Variants in RMDN2 observed in about 807,000 individuals in gnomAD.
RMDN2 encodes the protein regulator of microtubule dynamics protein 2.
In RMDN2, 61 loss-of-function variants were observed where a neutral mutation model predicts 52.8. That is an observed-to-expected ratio of 1.16 (90% CI 0.94 to 1.43). The LOEUF is 1.43. Ranked by LOEUF, RMDN2 falls within the 40% of genes most tolerant of loss-of-function variation. The probability of loss-of-function intolerance (pLI) is 0.00; values close to 1 mark genes in which losing one functional copy is unlikely to be tolerated. For synonymous variants in RMDN2, 180 were observed against 153.1 expected (o/e 1.18, Z -1.30); for missense variants, 592 against 475.3 (o/e 1.25, Z -2.28).
chr2:38,037,701 G>A (rs1680676150), intron 10 of RMDN2, among the ~76,000 whole-genome samples: 1 of 152,314 alleles, frequency 6.6e-6, no homozygotes, highest in African/African-American at 2.4e-5. Context: ...AGTGTGTTCG[G>A]CTTCCCGTTG....
chr2:37,975,648 T>A (rs7573968), intron 4 of RMDN2, among the ~76,000 whole-genome samples: 2,247 of 152,178 alleles, frequency 0.015, 51 homozygotes, highest in African/African-American at 0.051. Context: ...GTGGCACGTG[T>A]ATACCTATGA....
At chr2:38,056,441 C>T (rs938111574) in intron 10 of RMDN2, among the ~76,000 whole-genome samples, 2 of 152,208 alleles carry the variant, frequency 1.3e-5, no homozygotes, top group East Asian at 1.9e-4. Flanking sequence ...GAAATGAACA[C>T]CTCTGCATCA....
chr2:38,016,899 C>A (rs1350245780), intron 10 of RMDN2, among the ~76,000 whole-genome samples: 2 of 151,762 alleles, frequency 1.3e-5, no homozygotes, highest in Non-Finnish European at 2.9e-5. Context: ...AAACCCTTTA[C>A]TCATAGAGCG....
intron 10 of RMDN2, among the ~76,000 whole-genome samples, chr2:38,011,227 GT>G (rs1034450049): frequency 6.6e-6 from 1 of 152,174 alleles, no homozygotes; most frequent in African/African-American, 2.4e-5. Flanking sequence ...CATGTTCTTG[GT>G]TTTTGGACAC....
At chr2:37,950,246 A>G (rs1215320399) in intron 2 of RMDN2, 2 of 440,570 alleles carry the variant, frequency 4.5e-6, no homozygotes, top group Admixed American at 3.4e-5. Context: ...AAAGGATTGT[A>G]CAGCTGTCAT....
chr2:38,065,379 A>G (rs1222527983), intron 10 of RMDN2, among the ~76,000 whole-genome samples: 3 of 152,112 alleles, frequency 2.0e-5, no homozygotes, highest in Non-Finnish European at 4.4e-5. Flanking sequence ...TAAATTTTAA[A>G]AAAAAAAAGA....
rs763768913 is a variant in RMDN2 at position 37,975,229 on chromosome 2, G to A, written c.645G>A (p.Glu215=). The change falls in exon 4 of 11, where the codon GAG becomes GAA. Residue 215 remains glutamate, a synonymous_variant. Coordinates refer to ENST00000354545, the MANE Select transcript of RMDN2 (RefSeq NM_001170791.3). ...CTTTTCAGTTTAGAGATGAAATAGA[G>A]TTTATGTGGCGATTTGCTCGTGCTT... is the stretch of plus-strand genomic sequence containing the variant. The part of the protein sequence containing the change: ...DHKEKFRDEI[E]FMWRFARAYG... 1 of 1,604,502 alleles carries A rather than the reference G, an allele frequency of 6.2e-7. No homozygotes were observed. The highest frequency in any genetic ancestry group is 8.5e-7 in the Non-Finnish European group (1 of 1,171,518).
intron 8 of RMDN2, among the ~76,000 whole-genome samples, chr2:37,999,487 CT>C (rs1676026878): frequency 6.6e-6 from 1 of 152,152 alleles, no homozygotes; most frequent in Non-Finnish European, 1.5e-5. Context: ...ATTACTTAGA[CT>C]TTAGTCTCAA....
At position 37,975,263 on chromosome 2, in the gene RMDN2, A is replaced by T; in HGVS notation, c.679A>T (p.Met227Leu). 1 of 1,611,128 alleles carries T rather than the reference A, an allele frequency of 6.2e-7. No homozygotes were observed. The highest frequency in any genetic ancestry group is 8.5e-7 in the Non-Finnish European group (1 of 1,177,404). The change falls in exon 4 of 11, where the codon ATG (methionine) becomes TTG (leucine). Residue 227 changes from methionine (M) to leucine (L), a missense_variant. By Grantham distance (15) the Met-to-Leu change is conservative. Transcript: ENST00000354545. ...GCGATTTGCTCGTGCTTATGGAGACATGTATGAACTATCTACAAACACACA... is the reference window on the plus strand; with the variant it reads ...GCGATTTGCTCGTGCTTATGGAGACTTGTATGAACTATCTACAAACACACA... ...MWRFARAYGD[M>L]YELSTNTQEK...
intron 4 of RMDN2, among the ~76,000 whole-genome samples, chr2:37,977,604 ACCGG>A (rs1457106346): frequency 1.0e-4 from 15 of 148,952 alleles, no homozygotes; most frequent in African/African-American, 3.8e-4. Flanking sequence ...CACTTCTCAG[ACCGG>A]GCGGCCGCTC....
At chr2:37,957,567 G>A (rs915279016) in intron 2 of RMDN2, among the ~76,000 whole-genome samples, 2 of 152,010 alleles carry the variant, frequency 1.3e-5, no homozygotes, top group Non-Finnish European at 2.9e-5. Flanking sequence ...TGGATAGATT[G>A]CAGAAATTTT....
chr2:37,944,332 C>CA (rs55892088), intron 2 of RMDN2, among the ~76,000 whole-genome samples: 14,826 of 135,200 alleles, frequency 0.11, 831 homozygotes, highest in Non-Finnish European at 0.14. Flanking sequence ...CAGCCAATCT[C>CA]AAAAAAAAAA....
chr2:37,930,140 T>G (rs1276887560), intron 2 of RMDN2, among the ~76,000 whole-genome samples: 1 of 152,244 alleles, frequency 6.6e-6, no homozygotes, highest in Non-Finnish European at 1.5e-5. Flanking sequence ...TAGCCCCCTC[T>G]GGCCACAAAG....
chr2:38,024,266 G>A (rs1257308454), intron 10 of RMDN2, among the ~76,000 whole-genome samples: 7 of 152,058 alleles, frequency 4.6e-5, no homozygotes, highest in East Asian at 3.8e-4. Flanking sequence ...AAATGTCTTC[G>A]AATGTACATA....
At chr2:38,004,113 T>C (rs1463348974) in intron 9 of RMDN2, 23 bp from the exon 10 acceptor site, 24 of 1,609,850 alleles carry the variant, frequency 1.5e-5, no homozygotes, top group Non-Finnish European at 1.9e-5. Flanking sequence ...TTATGTTTAA[T>C]ATTGGTTATT....
chr2:37,929,834 A>T (rs1370654034), intron 2 of RMDN2, 105 bp downstream of exon 2: 7 of 718,870 alleles, frequency 9.7e-6, no homozygotes. Flanking sequence ...TGCTGCTCAC[A>T]TAAAATGAAA....
intron 10 of RMDN2, among the ~76,000 whole-genome samples, chr2:38,065,375 T>TA (rs1272312532): frequency 1.8e-3 from 273 of 150,598 alleles, no homozygotes; most frequent in Admixed American, 5.8e-3. Context: ...GGAATAAATT[T>TA]TAAAAAAAAA....
chr2:38,021,848 G>A (rs1420639936), downstream of RMDN2, among the ~76,000 whole-genome samples: 1 of 152,198 alleles, frequency 6.6e-6, no homozygotes, highest in African/African-American at 2.4e-5. Flanking sequence ...TTCATGTCAT[G>A]CTGTGAGGCC....
At chr2:37,952,604 A>T in intron 2 of RMDN2, 1 of 255,500 alleles carries the variant, frequency 3.9e-6, no homozygotes. Context: ...CATTAGAAAT[A>T]GTATTCTTAC....
Sources: allele counts gnomAD v4.1 joint callset (sites outside exome capture counted in the v4.1 genomes callset), GRCh38; gene constraint gnomAD v4.1.1; transcripts MANE v1.5; gene names NCBI Gene and HGNC (gene_info 2026-07-23, HGNC 2026-07-21).